The following MPZL1 variants were observed in gnomAD, a reference collection of about 807,000 sequenced individuals.
The protein encoded by MPZL1 is myelin protein zero like 1.
MPZL1 carries 16 observed loss-of-function variants against 29.3 expected under a neutral mutation model. The ratio of observed to expected loss-of-function variants is 0.55; its 90% CI spans 0.37 to 0.83. MPZL1 has a LOEUF of 0.83. Among genes scored for constraint, MPZL1 ranks in the 40% least tolerant of loss-of-function variants. MPZL1 has a pLI of 0.00. For missense variants in MPZL1, 279 were observed against 332.9 expected (o/e 0.84, Z 1.26); for synonymous variants, 143 against 132.0 (o/e 1.08, Z -0.57).
At chr1:167,748,943 T>A (rs1261321992) in intron 1 of MPZL1, among the ~76,000 whole-genome samples, 1 of 152,208 alleles carries the variant, frequency 6.6e-6, no homozygotes, top group Non-Finnish European at 1.5e-5. Context: ...AGTCTCTCAT[T>A]GATGGAGATT....
intron 1 of MPZL1, among the ~76,000 whole-genome samples, chr1:167,726,424 G>A (rs1169830651): frequency 6.6e-6 from 1 of 152,114 alleles, no homozygotes; most frequent in East Asian, 1.9e-4. Context: ...CTTGTTTATA[G>A]AAGTATTCCT....
intron 2 of MPZL1, 133 bp downstream of exon 2, chr1:167,765,882 C>T: frequency 1.3e-6 from 1 of 758,180 alleles, no homozygotes; most frequent in Non-Finnish European, 1.9e-6. Context: ...ACTTCAAGGC[C>T]CTTCTTTTGC....
chr1:167,759,952 G>A (rs1660948005), intron 1 of MPZL1, among the ~76,000 whole-genome samples: 1 of 152,166 alleles, frequency 6.6e-6, no homozygotes, highest in African/African-American at 2.4e-5. Flanking sequence ...GGACTGGCCT[G>A]ATCTGGCTGA....
At position 167,791,391 on chromosome 1, in the gene MPZL1, C is replaced by T. The variant is rs970798584; in HGVS notation, c.*3470C>T. On this transcript the variant is annotated 3_prime_UTR_variant, in exon 6 of 6. Coordinates refer to ENST00000359523, the MANE Select transcript of MPZL1 (RefSeq NM_003953.6). ...CATAAGGAAACAAAACAAGACAAAGCTCCTCAAGGAGCTTGCCACAGGGTG... is the reference window on the plus strand; with the variant it reads ...CATAAGGAAACAAAACAAGACAAAGTTCCTCAAGGAGCTTGCCACAGGGTG... The T allele has an allele frequency of 1.3e-5, 2 of 152,276 alleles. No homozygotes were observed. The highest frequency in any genetic ancestry group is 1.3e-4 in the Admixed American group (2 of 15,282). The allele number at this position is 152,276 out of a possible 1,614,324, so 9.4% of individuals were successfully genotyped here.
chr1:167,768,218 T>G (rs1661159082), intron 2 of MPZL1, among the ~76,000 whole-genome samples: 1 of 152,206 alleles, frequency 6.6e-6, no homozygotes, highest in Non-Finnish European at 1.5e-5. Context: ...TTGTCTAGAA[T>G]TAAAAGCTCA....
At chr1:167,738,012 G>A (rs1398354306) in intron 1 of MPZL1, among the ~76,000 whole-genome samples, 1 of 152,022 alleles carries the variant, frequency 6.6e-6, no homozygotes, top group Non-Finnish European at 1.5e-5. Context: ...TGCAAGCTCC[G>A]CCTCCTGGGT....
At chr1:167,742,371 G>A (rs2101759512) in intron 1 of MPZL1, among the ~76,000 whole-genome samples, 1 of 152,146 alleles carries the variant, frequency 6.6e-6, no homozygotes, top group African/African-American at 2.4e-5. Flanking sequence ...TATATAACAA[G>A]TATAAGAGTG....
Position 167,787,271 on chromosome 1 carries a change from T to A in MPZL1, c.709-549T>A, listed in dbSNP as rs142970100. ...CAGACTAAAAGAATTATGCTGTAAGTAGTTGTATTGAAGAATATTTGAAGT... is the reference window on the plus strand; with the variant it reads ...CAGACTAAAAGAATTATGCTGTAAGAAGTTGTATTGAAGAATATTTGAAGT... On this transcript the variant is annotated intron_variant, in intron 5 of 5. Coordinates refer to ENST00000359523, the MANE Select transcript of MPZL1 (RefSeq NM_003953.6). 15 of 152,392 alleles carry A rather than the reference T, an allele frequency of 9.8e-5. No individual in the cohort carries two copies. In the East Asian group the frequency reaches 2.7e-3, roughly 27 times the overall value. 9.4% of individuals were successfully genotyped at this position (152,392 alleles called of 1,614,324 possible). A position where few individuals can be genotyped will look rare whatever the true frequency, so the allele number is the denominator to read the frequency against.
intron 1 of MPZL1, among the ~76,000 whole-genome samples, chr1:167,763,718 G>A (rs755217198): frequency 1.8e-4 from 27 of 152,048 alleles, no homozygotes; most frequent in South Asian, 4.1e-4. Flanking sequence ...AAGTGCCCTG[G>A]GGCTGCTTTT....
intron 1 of MPZL1, among the ~76,000 whole-genome samples, chr1:167,734,486 T>C (rs901383327): frequency 1.3e-5 from 2 of 151,992 alleles, no homozygotes; most frequent in Admixed American, 6.5e-5. Context: ...TCAGTAAATT[T>C]GGCCTAACCC....
At chr1:167,722,778 G>A (rs571730063) in intron 1 of MPZL1, among the ~76,000 whole-genome samples, 1 of 152,184 alleles carries the variant, frequency 6.6e-6, no homozygotes, top group South Asian at 2.1e-4. Flanking sequence ...TTAAGTCTCC[G>A]TAATAAAAGA....
intron 1 of MPZL1, among the ~76,000 whole-genome samples, chr1:167,764,833 A>G (rs1318862097): frequency 1.3e-5 from 2 of 152,226 alleles, no homozygotes; most frequent in Non-Finnish European, 2.9e-5. Context: ...TTATGCCACA[A>G]AAAGACACGG....
intron 1 of MPZL1, among the ~76,000 whole-genome samples, chr1:167,754,279 G>A (rs1378863620): frequency 2.0e-5 from 3 of 152,172 alleles, no homozygotes; most frequent in Admixed American, 6.5e-5. Context: ...GATTATAGGC[G>A]TGAGCCACTG....
At chr1:167,772,193 A>AC (rs1661267031) in intron 2 of MPZL1, 82 bp from the exon 3 acceptor site, 1 of 1,117,494 alleles carries the variant, frequency 8.9e-7, no homozygotes, top group East Asian at 2.5e-5. Flanking sequence ...TCTTTAAAAG[A>AC]ACCTTTCATA....
In MPZL1 at chr1:167,775,147, A is replaced by T. The variant is rs76693638; in HGVS notation, c.606-917A>T. ...TTTTCATATATGTATTATGTTATCA[A>T]TATTTAAGATCCTGACTGATTATGT... On this transcript the variant is annotated intron_variant, in intron 4 of 5. Transcript: ENST00000359523. Among the ~76,000 whole-genome samples, 682 of 152,322 alleles carry T rather than the reference A, an allele frequency of 4.5e-3. 1 individual carries two copies. Among genetic ancestry groups the T allele is most frequent in the Non-Finnish European group, 7.3e-3 (497 of 68,024 alleles).
At chr1:167,775,792 T>C (rs1661353567) in intron 4 of MPZL1, among the ~76,000 whole-genome samples, 1 of 152,126 alleles carries the variant, frequency 6.6e-6, no homozygotes, top group African/African-American at 2.4e-5. Context: ...AATTCCAATA[T>C]GATTTTTGTA....
chr1:167,748,481 T>G (rs1660692860), intron 1 of MPZL1, among the ~76,000 whole-genome samples: 1 of 152,254 alleles, frequency 6.6e-6, no homozygotes, highest in Non-Finnish European at 1.5e-5. Flanking sequence ...TTTAAATTGT[T>G]TAATCTTTGC....
At chr1:167,750,841 C>T (rs1341134958) in intron 1 of MPZL1, among the ~76,000 whole-genome samples, 1 of 152,214 alleles carries the variant, frequency 6.6e-6, no homozygotes, top group Admixed American at 6.5e-5. Context: ...GCCATCATGT[C>T]TCTTTCATCA....
intron 1 of MPZL1, among the ~76,000 whole-genome samples, chr1:167,726,683 T>C (rs1212144498): frequency 2.0e-5 from 3 of 152,226 alleles, no homozygotes; most frequent in African/African-American, 4.8e-5. Flanking sequence ...GATAGTAAAA[T>C]AGAAACTTAG....
Sources: gnomAD v4.1 joint callset for allele counts (sites outside exome capture counted in the v4.1 genomes callset) on GRCh38, gnomAD v4.1.1 for gene constraint, MANE v1.5 for transcripts, NCBI Gene and HGNC (gene_info 2026-07-23, HGNC 2026-07-21) for gene names.